FANCD2: variants seen among roughly 807,000 people sequenced by gnomAD.
FANCD2 encodes Fanconi anemia group D2 protein.
FANCD2 carries 131 observed loss-of-function variants against 192.3 expected under a neutral mutation model. That is an observed-to-expected ratio of 0.68 (90% CI 0.59 to 0.79). The LOEUF (loss-of-function observed/expected upper bound fraction) is 0.79. Ranked by LOEUF, FANCD2 falls within the 30% of genes least tolerant of loss-of-function variation. The pLI is 0.00. For missense variants in FANCD2, 1,508 were observed against 1,701.6 expected (o/e 0.89, Z 2.00); for synonymous variants, 524 against 612.5 (o/e 0.86, Z 2.13).
chr3:10,028,976 C>CT (rs1214530471), intron 2 of FANCD2, among the ~76,000 whole-genome samples: 2 of 152,148 alleles, frequency 1.3e-5, no homozygotes, highest in Non-Finnish European at 2.9e-5. Context: ...ACTTTTTCTG[C>CT]TATACATCAT....
chr3:10,091,737 A>G (rs544587595), intron 37 of FANCD2, among the ~76,000 whole-genome samples: 27 of 152,098 alleles, frequency 1.8e-4, no homozygotes, highest in Admixed American at 8.5e-4. Context: ...GAATCTCAGA[A>G]ACTCAAAACA....
At position 10,101,298 on chromosome 3, in the gene FANCD2, G is replaced by A; in HGVS notation, c.*36G>A. On this transcript the variant is annotated 3_prime_UTR_variant, in exon 44 of 44. Transcript: ENST00000675286. Reference sequence around the variant, plus strand: ...AATTGTTGCCTGCTTCTGTGTCTCTGCCAGCCTGTGATCATTTTGTGTTAG... The same window carrying A: ...AATTGTTGCCTGCTTCTGTGTCTCTACCAGCCTGTGATCATTTTGTGTTAG... 1 of 1,447,718 alleles carries A rather than the reference G, an allele frequency of 6.9e-7. No individual in the cohort carries two copies. The highest frequency in any genetic ancestry group is 9.7e-7 in the Non-Finnish European group (1 of 1,028,322). 89.7% of individuals were successfully genotyped at this position (1,447,718 alleles called of 1,614,324 possible). A position where few individuals can be genotyped will look rare whatever the true frequency, so the allele number is the denominator to read the frequency against.
At chr3:10,091,471 C>G (rs953656946) in intron 37 of FANCD2, among the ~76,000 whole-genome samples, 9 of 147,420 alleles carry the variant, frequency 6.1e-5, no homozygotes, top group African/African-American at 1.7e-4. Context: ...GACCCTGTCT[C>G]AAAAAGAAAA....
intron 14 of FANCD2, among the ~76,000 whole-genome samples, chr3:10,046,055 C>CTTTTTTTTT (rs57661428): frequency 0.016 from 1,951 of 124,146 alleles, 214 homozygotes; most frequent in African/African-American, 0.062. Context: ...GCTCTGTATT[C>CTTTTTTTTT]TTTTTTTTTT....
At chr3:10,036,378 T>G in intron 7 of FANCD2, 39 bp downstream of exon 7, 7 of 1,421,906 alleles carry the variant, frequency 4.9e-6, no homozygotes, top group Non-Finnish European at 7.0e-6. Flanking sequence ...AGTACCCTGA[T>G]GTACTTAAGT....
rs1693814389 is a variant in FANCD2 at position 10,081,171 on chromosome 3, T to G, written c.3048T>G (p.Val1016=). The part of the protein sequence containing the change: ...QRSAQEIVHC[V]FQLLTPMCNH... ...CTGCCCAAGAAATTGTTCATTGTGTTTTTCAACTGCTGACCCCAATGTGTA... is the reference window on the plus strand; with the variant it reads ...CTGCCCAAGAAATTGTTCATTGTGTGTTTCAACTGCTGACCCCAATGTGTA... The change falls in exon 31 of 44, where the codon GTT becomes GTG. Residue 1016 remains valine (V), a synonymous_variant. Coordinates refer to ENST00000675286, the MANE Select transcript of FANCD2 (RefSeq NM_001018115.3). The G allele has an allele frequency of 1.2e-6, 2 of 1,614,068 alleles. No individual in the cohort carries two copies. Among genetic ancestry groups the G allele is most frequent in the African/African-American group, 2.7e-5 (2 of 74,932 alleles).
In FANCD2 at chr3:10,070,360, C is replaced by T. The variant is rs371005906; in HGVS notation, c.2495-2511C>T. On this transcript the variant is annotated intron_variant, in intron 26 of 43. Coordinates refer to ENST00000675286, the MANE Select transcript of FANCD2 (RefSeq NM_001018115.3). ...GTCAGGCCCCGCCAGGCCAGCCGCC[C>T]CGTCCGGGAGGGAGGTCAGGGGGTC... Among the ~76,000 whole-genome samples, 381 of 146,378 alleles carry T rather than the reference C, an allele frequency of 2.6e-3. 8 individuals are homozygous for T. The South Asian group carries it at 0.038, about 15-fold the overall frequency.
chr3:10,040,605 T>A, intron 9 of FANCD2: 1 of 455,516 alleles, frequency 2.2e-6, no homozygotes, highest in Non-Finnish European at 4.4e-6. Context: ...TGTCATTCAT[T>A]TGAAAAATAG....
At chr3:10,036,679 C>T (rs1195533014) in intron 7 of FANCD2, among the ~76,000 whole-genome samples, 1 of 150,528 alleles carries the variant, frequency 6.6e-6, no homozygotes, top group Non-Finnish European at 1.5e-5. Context: ...TATTTCAAAA[C>T]AGAATTTTTT....
intron 30 of FANCD2, among the ~76,000 whole-genome samples, chr3:10,079,309 G>T (rs903190848): frequency 6.6e-6 from 1 of 151,976 alleles, no homozygotes; most frequent in Non-Finnish European, 1.5e-5. Context: ...AATAAGAAAT[G>T]TATTTCTTTT....
At chr3:10,082,062 C>T (rs986640515) in intron 32 of FANCD2, among the ~76,000 whole-genome samples, 1 of 152,180 alleles carries the variant, frequency 6.6e-6, no homozygotes, top group African/African-American at 2.4e-5. Flanking sequence ...TATCCAACTG[C>T]CTACGCAACA....
chr3:10,026,581 G>T (rs1244662168), intron 1 of FANCD2, 108 bp downstream of exon 1: 1 of 212,698 alleles, frequency 4.7e-6, no homozygotes, highest in African/African-American at 2.3e-5. Context: ...TCCGCGCCCC[G>T]AACCTTGGCT....
Position 10,101,363 on chromosome 3 carries a change from C to A in FANCD2, c.*101C>A. 3 of 682,642 alleles carry A rather than the reference C, an allele frequency of 4.4e-6. No homozygotes were observed. Among genetic ancestry groups the A allele is most frequent in the Non-Finnish European group, 7.6e-6 (3 of 395,278 alleles). 42.3% of individuals were successfully genotyped at this position (682,642 alleles called of 1,614,324 possible). A position where few individuals can be genotyped will look rare whatever the true frequency, so the allele number is the denominator to read the frequency against. On this transcript the variant is annotated 3_prime_UTR_variant, in exon 44 of 44. Coordinates refer to ENST00000675286, the MANE Select transcript of FANCD2 (RefSeq NM_001018115.3). ...TGTTTGCCTTTCTTACTGGTAGGAT[C>A]CTTTTTTGTTCCTCTTTTTTTTTTT...
At chr3:10,033,331 G>T (rs1424508523) in intron 3 of FANCD2, among the ~76,000 whole-genome samples, 1 of 152,102 alleles carries the variant, frequency 6.6e-6, no homozygotes, top group Non-Finnish European at 1.5e-5. Flanking sequence ...AACCCGGGAG[G>T]TGAAAGTTGC....
At chr3:10,068,553 A>G (rs545190433) in intron 26 of FANCD2, among the ~76,000 whole-genome samples, 1 of 152,264 alleles carries the variant, frequency 6.6e-6, no homozygotes, top group East Asian at 1.9e-4. Context: ...AATATTGTTA[A>G]AATTTCCATG....
intron 17 of FANCD2, among the ~76,000 whole-genome samples, chr3:10,050,105 A>G (rs1468572695): frequency 1.3e-5 from 2 of 152,140 alleles, no homozygotes; most frequent in African/African-American, 2.4e-5. Context: ...TTTCAACTTT[A>G]TTTTTTAGAC....
In FANCD2 at chr3:10,028,868, G is replaced by C. The variant is rs56176124; in HGVS notation, c.64+147G>C. The stretch of plus-strand genomic sequence containing the variant: ...AATTAAGGGAGAAATATCAGATTTG[G>C]GACTGAGTTTTTGCCTCGAATTCTG... On this transcript the variant is annotated intron_variant, in intron 2 of 43. Transcript: ENST00000675286. 2.7e-3 allele frequency: 2,147 copies of C among 808,566 alleles called. 34 individuals are homozygous for C. The African/African-American group carries it at 0.032, about 12-fold the overall frequency. 50.1% of individuals were successfully genotyped at this position (808,566 alleles called of 1,614,324 possible).
chr3:10,081,272 T>C (rs1030155042), intron 31 of FANCD2, 44 bp downstream of exon 31: 4 of 1,613,800 alleles, frequency 2.5e-6, no homozygotes, highest in Non-Finnish European at 3.4e-6. Context: ...ATATGAGGTT[T>C]CATTTTTGGC....
chr3:10,036,361 T>C (rs1312193740), intron 7 of FANCD2, 22 bp downstream of exon 7: 2 of 1,573,870 alleles, frequency 1.3e-6, no homozygotes, highest in Non-Finnish European at 8.7e-7. Flanking sequence ...TATTATGGAA[T>C]GTTCAAAGTA....
Sources: gnomAD v4.1 joint callset for allele counts (sites outside exome capture counted in the v4.1 genomes callset) on GRCh38, gnomAD v4.1.1 for gene constraint, MANE v1.5 for transcripts, NCBI Gene and HGNC (gene_info 2026-07-23, HGNC 2026-07-21) for gene names.